The following FRMD4B variants were observed in gnomAD, a reference collection of about 807,000 sequenced individuals.
The protein encoded by FRMD4B is FERM domain containing 4B.
FRMD4B carries 74 observed loss-of-function variants against 141.5 expected under a neutral mutation model. The ratio of observed to expected loss-of-function variants is 0.52; its 90% CI spans 0.43 to 0.63. FRMD4B has a LOEUF of 0.63. Among genes scored for constraint, FRMD4B ranks in the 30% least tolerant of loss-of-function variants. The pLI is 0.00. For synonymous variants in FRMD4B, 506 were observed against 467.9 expected (o/e 1.08, Z -1.05); for missense variants, 1,366 against 1,253.4 (o/e 1.09, Z -1.36).
intron 1 of FRMD4B, among the ~76,000 whole-genome samples, chr3:69,343,666 A>G (rs575751748): frequency 8.2e-5 from 11 of 134,512 alleles, no homozygotes; most frequent in Admixed American, 7.5e-4. Flanking sequence ...TGCAACCTCC[A>G]CCTCCCGGGT....
chr3:69,527,349 G>A (rs1273063175), intron 1 of FRMD4B, among the ~76,000 whole-genome samples: 1 of 152,064 alleles, frequency 6.6e-6, no homozygotes, highest in Non-Finnish European at 1.5e-5. Flanking sequence ...GGGGTGGAGC[G>A]CAAACCTGCC....
intron 1 of FRMD4B, among the ~76,000 whole-genome samples, chr3:69,501,358 T>C (rs2107064202): frequency 6.6e-6 from 1 of 151,954 alleles, no homozygotes; most frequent in Non-Finnish European, 1.5e-5. Flanking sequence ...ATATGGCATA[T>C]ATGTATTACC....
chr3:69,531,875 C>G (rs1433644780), intron 1 of FRMD4B, among the ~76,000 whole-genome samples: 1 of 152,184 alleles, frequency 6.6e-6, no homozygotes, highest in Non-Finnish European at 1.5e-5. Context: ...ATGTTTGAAT[C>G]AAACTTTTGA....
intron 11 of FRMD4B, among the ~76,000 whole-genome samples, chr3:69,209,518 T>C (rs762495833): frequency 6.6e-5 from 10 of 152,106 alleles, no homozygotes; most frequent in Non-Finnish European, 1.5e-4. Context: ...ACAAGAGTTA[T>C]CTCAATTTGA....
intron 1 of FRMD4B, among the ~76,000 whole-genome samples, chr3:69,349,393 A>G (rs1441637962): frequency 2.0e-5 from 3 of 152,238 alleles, no homozygotes; most frequent in Non-Finnish European, 4.4e-5. Context: ...AAATGGCCAT[A>G]CTGCCCAAGG....
intron 1 of FRMD4B, among the ~76,000 whole-genome samples, chr3:69,523,361 C>T (rs1251956040): frequency 6.6e-6 from 1 of 152,100 alleles, no homozygotes; most frequent in African/African-American, 2.4e-5. Context: ...CATTCACACG[C>T]ATAAAGCTGA....
At chr3:69,242,994 CAA>C (rs34623002) in intron 7 of FRMD4B, among the ~76,000 whole-genome samples, 331 of 111,758 alleles carry the variant, frequency 3.0e-3, no homozygotes, top group African/African-American at 0.01. Flanking sequence ...AACTCTGTCT[CAA>C]AAAAAAAAAA....
intron 1 of FRMD4B, among the ~76,000 whole-genome samples, chr3:69,478,160 T>A (rs956955328): frequency 1.2e-4 from 18 of 152,218 alleles, no homozygotes; most frequent in African/African-American, 4.3e-4. Context: ...AACCAGCTCC[T>A]GGATTTATTG....
At chr3:69,236,228 G>GTTT (rs545415221) in intron 7 of FRMD4B, among the ~76,000 whole-genome samples, 5 of 139,714 alleles carry the variant, frequency 3.6e-5, no homozygotes, top group African/African-American at 1.0e-4. Context: ...TATTGTTTTG[G>GTTT]TTTTTTTTTT....
Position 69,365,501 on chromosome 3 carries a change from C to CTTTGTTTTGT in FRMD4B, c.162+20326_162+20327insACAAAACAAA, listed in dbSNP as rs761405099. Among the ~76,000 whole-genome samples, 362 of 136,248 alleles carry CTTTGTTTTGT rather than the reference C, an allele frequency of 2.7e-3. 2 individuals are homozygous for CTTTGTTTTGT. The highest frequency in any genetic ancestry group is 2.6e-3 in the Non-Finnish European group (170 of 65,202). 89.4% of individuals were successfully genotyped at this position (136,248 alleles called of 152,430 possible). A position where few individuals can be genotyped will look rare whatever the true frequency, so the allele number is the denominator to read the frequency against. On this transcript the variant is annotated intron_variant, in intron 1 of 22. Coordinates refer to ENST00000398540, the MANE Select transcript of FRMD4B (RefSeq NM_015123.3). ...TGGTAGTAGCATAAATAGATACAAC[C>CTTTGTTTTGT]TTTGTTTTTTTTCTTTTTTTTGAGA...
At chr3:69,177,481 C>A (rs1447790199) in intron 21 of FRMD4B, among the ~76,000 whole-genome samples, 1 of 151,116 alleles carries the variant, frequency 6.6e-6, no homozygotes, top group Non-Finnish European at 1.5e-5. Context: ...AAAACCCCAT[C>A]TCTGCAAAAA....
chr3:69,262,076 C>T (rs2093530827), intron 5 of FRMD4B, among the ~76,000 whole-genome samples: 1 of 152,070 alleles, frequency 6.6e-6, no homozygotes, highest in South Asian at 2.1e-4. Flanking sequence ...AAGCGATTCT[C>T]ATGCCTCAGC....
At chr3:69,388,079 G>A (rs1208413048), upstream of FRMD4B, among the ~76,000 whole-genome samples, 1 of 151,964 alleles carries the variant, frequency 6.6e-6, no homozygotes, top group African/African-American at 2.4e-5. Context: ...GCAAATGGTG[G>A]TGGTACTTTT....
At chr3:69,429,020 A>C (rs1303339995) in intron 2 of FRMD4B, among the ~76,000 whole-genome samples, 1 of 152,206 alleles carries the variant, frequency 6.6e-6, no homozygotes, top group Non-Finnish European at 1.5e-5. Flanking sequence ...AGCATGTGTC[A>C]GGATTTCATA....
intron 1 of FRMD4B, among the ~76,000 whole-genome samples, chr3:69,485,936 T>A (rs1349144987): frequency 2.0e-5 from 3 of 152,246 alleles, no homozygotes; most frequent in Non-Finnish European, 4.4e-5. Flanking sequence ...GTATTTAGCA[T>A]CTCTGTAACA....
At chr3:69,225,636 A>G (rs2093245419) in intron 7 of FRMD4B, among the ~76,000 whole-genome samples, 1 of 128,262 alleles carries the variant, frequency 7.8e-6, no homozygotes, top group Non-Finnish European at 1.6e-5. Flanking sequence ...CGCAGCTTGC[A>G]GTGAGCCGAG....
At chr3:69,271,372 A>G in intron 5 of FRMD4B, among the ~76,000 whole-genome samples, 1 of 152,186 alleles carries the variant, frequency 6.6e-6, no homozygotes. Context: ...ATGTCCTTGT[A>G]CATCTTTGGG....
At chr3:69,234,977 C>A (rs578173471) in intron 7 of FRMD4B, among the ~76,000 whole-genome samples, 2 of 151,324 alleles carry the variant, frequency 1.3e-5, no homozygotes, top group African/African-American at 4.9e-5. Context: ...GGTGGAACCC[C>A]ACCTCTACTA....
intron 1 of FRMD4B, among the ~76,000 whole-genome samples, chr3:69,451,942 A>T (rs1705508021): frequency 6.6e-6 from 1 of 152,206 alleles, no homozygotes; most frequent in South Asian, 2.1e-4. Context: ...AGGGAAGGAG[A>T]GATTTCTTTC....
Sources: allele counts gnomAD v4.1 joint callset (sites outside exome capture counted in the v4.1 genomes callset), GRCh38; gene constraint gnomAD v4.1.1; transcripts MANE v1.5; gene names NCBI Gene and HGNC (gene_info 2026-07-23, HGNC 2026-07-21).